The following RBM14 variants were observed in gnomAD, a reference collection of about 807,000 sequenced individuals.
The protein encoded by RBM14 is RNA binding motif protein 14, also known as RNA-binding protein 14.
RBM14 carries 5 observed loss-of-function variants against 52.8 expected under a neutral mutation model. The observed-to-expected ratio is 0.09, with a 90% confidence interval of 0.05 to 0.20. The LOEUF (loss-of-function observed/expected upper bound fraction) is 0.20. Among genes scored for constraint, RBM14 ranks in the 10% least tolerant of loss-of-function variants. RBM14 has a pLI of 1.00. For missense variants in RBM14, 780 were observed against 926.6 expected, an observed-to-expected ratio of 0.84 and a Z score of 2.05; for synonymous variants, 411 against 401.8, an observed-to-expected ratio of 1.02 and a Z score of -0.28.
rs1326839278 is a variant in RBM14 at position 66,627,975 on chromosome 11, G to A, written c.*1307G>A. On this transcript the variant is annotated 3_prime_UTR_variant, in exon 3 of 3. Coordinates refer to ENST00000310137, the MANE Select transcript of RBM14 (RefSeq NM_006328.4). ...ATCCTCCTGTGTCCTGCCAACCCCT[G>A]CCATTATAGTCACCGGAGACTCCTT... Among the ~76,000 whole-genome samples the A allele has an allele frequency of 2.0e-5, 3 of 152,092 alleles. No individual in the cohort carries two copies. Among genetic ancestry groups the A allele is most frequent in the Admixed American group, 2.0e-4 (3 of 15,256 alleles).
chr11:66,620,937 A>C (rs1175536850), intron 1 of RBM14: 1 of 151,444 alleles, frequency 6.6e-6, no homozygotes, highest in Non-Finnish European at 1.5e-5. Flanking sequence ...TGCCATCTCC[A>C]GGTGGTTTTG....
rs1201457413 is a variant in RBM14, at chr11:66,626,860, A to C, written c.*192A>C. 5.1e-6 allele frequency: 3 copies of C among 582,760 alleles called. No homozygotes were observed. The African/African-American group carries it at 5.6e-5, about 11-fold the overall frequency. The allele number at this position is 582,760 out of a possible 1,614,324, so 36.1% of individuals were successfully genotyped here. A position where few individuals can be genotyped will look rare whatever the true frequency, so the allele number is the denominator to read the frequency against. On this transcript the variant is annotated 3_prime_UTR_variant, in exon 3 of 3. Transcript: ENST00000310137. The stretch of plus-strand genomic sequence containing the variant: ...GTAACCTACTTTGTTCCTTCGCCTC[A>C]GCAGCAAATCTTGCTACTGGCTCTA...
intron 2 of RBM14, 133 bp from the exon 3 acceptor site, chr11:66,626,328 G>A: frequency 1.1e-6 from 1 of 912,068 alleles, no homozygotes; most frequent in Non-Finnish European, 1.7e-6. Flanking sequence ...TGAGCCTTCT[G>A]ACAAAAGGAG....
chr11:66,617,555 C>T, intron 1 of RBM14: 1 of 989,290 alleles, frequency 1.0e-6, no homozygotes, highest in South Asian at 4.6e-5. Flanking sequence ...CGGAAGGTAA[C>T]GGGGCCCTTG....
chr11:66,626,364 T>C, intron 2 of RBM14, 97 bp from the exon 3 acceptor site: 1 of 1,232,938 alleles, frequency 8.1e-7, no homozygotes, highest in Non-Finnish European at 1.2e-6. Context: ...ACCACTGTGA[T>C]CACACCCTCC....
chr11:66,624,411 G>T lies in RBM14; in HGVS notation c.535G>T (p.Gly179Cys), dbSNP rs1441018506. 6 of 1,614,118 alleles carry T rather than the reference G, an allele frequency of 3.7e-6. No individual in the cohort carries two copies. Among genetic ancestry groups the T allele is most frequent in the Non-Finnish European group, 5.1e-6 (6 of 1,179,972 alleles). Residue 179 changes from glycine to cysteine, a missense_variant, in exon 2 of 3, where the codon GGT becomes TGT. Physicochemically the swap from Gly to Cys is radical, Grantham distance 159. Around this residue, in one of 4 missense-constraint regions of RBM14, gnomAD observed 675 missense variants for 697.3 expected, o/e 0.97. Coordinates refer to ENST00000310137, the MANE Select transcript of RBM14 (RefSeq NM_006328.4). The surrounding 1 kb of genome is among the most constrained non-coding windows in gnomAD (Gnocchi z 4.7). ...GAGDTAFPGT[G>C]GFSATFDYQQ... ...TGGGGATACGGCCTTCCCTGGAACT[G>T]GTGGCTTCTCTGCCACCTTCGACTA...
intron 1 of RBM14, chr11:66,623,778 G>T: frequency 3.0e-6 from 2 of 672,278 alleles, no homozygotes; most frequent in Middle Eastern, 2.4e-4. Context: ...CAGTGTTTGA[G>T]AGTTAGGCCT....
rs772451036 is a variant in RBM14, at chr11:66,624,159, C to T, written c.338-55C>T. 1 of 1,541,686 alleles carries T rather than the reference C, an allele frequency of 6.5e-7. No homozygotes were observed. The highest frequency in any genetic ancestry group is 1.4e-5 in the African/African-American group (1 of 72,690). On this transcript the variant is annotated intron_variant, in intron 1 of 2. Coordinates refer to ENST00000310137, the MANE Select transcript of RBM14 (RefSeq NM_006328.4). The surrounding 1 kb of genome is among the most constrained non-coding windows in gnomAD (Gnocchi z 4.7). ...GTTGTGTGTCCAATTTGGGACCCAT[C>T]AGGTAGCATGCCCTGCCCCCCTAAT... is the stretch of plus-strand genomic sequence containing the variant.
chr11:66,625,496 C>T lies in RBM14; in HGVS notation c.1620C>T (p.Tyr540=). 6.2e-7 allele frequency: 1 copy of T among 1,612,948 alleles called. No individual in the cohort carries two copies. Among genetic ancestry groups the T allele is most frequent in the Non-Finnish European group, 8.5e-7 (1 of 1,179,536 alleles). ...AQQHPQAAAS[Y]RGQPGNAYDG... is the part of the protein sequence containing the mutation. The stretch of plus-strand genomic sequence containing the variant: ...AGCATCCCCAGGCTGCTGCCTCCTA[C>T]CGCGGCCAGCCAGGCAATGCCTACG... Residue 540 remains tyrosine (Y), a synonymous_variant, in exon 2 of 3, where the codon TAC becomes TAT. Coordinates refer to ENST00000310137, the MANE Select transcript of RBM14 (RefSeq NM_006328.4). The surrounding 1 kb of genome is among the most constrained non-coding windows in gnomAD (Gnocchi z 4.2).
rs941390709 is a variant in RBM14 at position 66,627,610 on chromosome 11, T to G, written c.*942T>G. On this transcript the variant is annotated 3_prime_UTR_variant, in exon 3 of 3. Coordinates refer to ENST00000310137, the MANE Select transcript of RBM14 (RefSeq NM_006328.4). ...GTTAGTCACACCAAAATGCAGTAAATGATGCCCATTTTCCTCTGCCTGTGC... is the reference window on the plus strand; with the variant it reads ...GTTAGTCACACCAAAATGCAGTAAAGGATGCCCATTTTCCTCTGCCTGTGC... 2.0e-5 allele frequency among the ~76,000 whole-genome samples: 3 copies of G among 152,210 alleles called. No homozygotes were observed. Among genetic ancestry groups the G allele is most frequent in the African/African-American group, 7.2e-5 (3 of 41,460 alleles).
chr11:66,625,076 T>C lies in RBM14; in HGVS notation c.1200T>C (p.Ala400=). 2.5e-6 allele frequency: 4 copies of C among 1,613,152 alleles called. No homozygotes were observed. The highest frequency in any genetic ancestry group is 3.4e-6 in the Non-Finnish European group (4 of 1,179,782). The change falls in exon 2 of 3, where the codon GCT becomes GCC. Residue 400 remains alanine (A), a synonymous_variant. Coordinates refer to ENST00000310137, the MANE Select transcript of RBM14 (RefSeq NM_006328.4). This position sits in a 1 kb window ranked among gnomAD's most constrained non-coding sequence, Gnocchi z 4.2. ...CACTAGCTTATGGAGCCCAGGCAGC[T>C]TCATATAATGCCCAGCCCTCGGCCT... ...ASSLAYGAQA[A]SYNAQPSASY... is the part of the protein sequence containing the mutation.
chr11:66,626,377 G>GT (rs1766434110), intron 2 of RBM14, 84 bp from the exon 3 acceptor site: 1 of 1,317,664 alleles, frequency 7.6e-7, no homozygotes, highest in South Asian at 1.2e-5. Flanking sequence ...CACCCTCCCT[G>GT]TCCCCATTGG....
chr11:66,627,991 G>T lies in RBM14; in HGVS notation c.*1323G>T, dbSNP rs918669083. Among the ~76,000 whole-genome samples the T allele has an allele frequency of 2.0e-5, 3 of 152,128 alleles. No individual in the cohort carries two copies. Among genetic ancestry groups the T allele is most frequent in the Non-Finnish European group, 4.4e-5 (3 of 68,032 alleles). ...CCAACCCCTGCCATTATAGTCACCG[G>T]AGACTCCTTTACCTATCCCTATCTG... is the stretch of plus-strand genomic sequence containing the variant. On this transcript the variant is annotated 3_prime_UTR_variant, in exon 3 of 3. Coordinates refer to ENST00000310137, the MANE Select transcript of RBM14 (RefSeq NM_006328.4).
At chr11:66,622,475 C>T (rs1001589736) in intron 1 of RBM14, among the ~76,000 whole-genome samples, 1 of 152,208 alleles carries the variant, frequency 6.6e-6, no homozygotes, top group African/African-American at 2.4e-5. Context: ...CTCAGGTGAT[C>T]TGCCTGCCTT....
At position 66,628,635 on chromosome 11, in the gene RBM14, A is replaced by G. The variant is rs898978659; in HGVS notation, c.*1967A>G. Among the ~76,000 whole-genome samples, 2 of 152,122 alleles carry G rather than the reference A, an allele frequency of 1.3e-5. No homozygotes were observed. Among genetic ancestry groups the G allele is most frequent in the African/African-American group, 2.4e-5 (1 of 41,420 alleles). On this transcript the variant is annotated 3_prime_UTR_variant, in exon 3 of 3. Transcript: ENST00000310137. ...TTTTATTTCTTTGCAGGACTGGGAA[A>G]GCATGGGAGGAGGATTTTGATAAGT...
rs1471467965 is a variant in RBM14, at chr11:66,624,967, C to A, written c.1091C>A (p.Ser364Tyr). 6.2e-7 allele frequency: 1 copy of A among 1,614,024 alleles called. No individual in the cohort carries two copies. The highest frequency in any genetic ancestry group is 1.3e-5 in the African/African-American group (1 of 74,972). The change falls in exon 2 of 3, where the codon TCC becomes TAC. Residue 364 changes from serine to tyrosine, a missense_variant. Coordinates refer to ENST00000310137, the MANE Select transcript of RBM14 (RefSeq NM_006328.4). The surrounding 1 kb of genome is among the most constrained non-coding windows in gnomAD (Gnocchi z 4.7). The part of the protein sequence containing the change: ...SSYGVRAAAS[S>Y]YNTQGAASSL... ...TATGGGGTTCGTGCAGCTGCTTCTTCCTACAACACCCAGGGAGCAGCTTCC... is the reference window on the plus strand; with the variant it reads ...TATGGGGTTCGTGCAGCTGCTTCTTACTACAACACCCAGGGAGCAGCTTCC...
At position 66,620,086 on chromosome 11, in the gene RBM14, T is replaced by G. The variant is rs549194599; in HGVS notation, c.337+3029T>G. Among the ~76,000 whole-genome samples, 15 of 152,314 alleles carry G rather than the reference T, an allele frequency of 9.8e-5. 1 individual carries two copies. In the South Asian group the frequency reaches 3.1e-3, roughly 32 times the overall value. Reference sequence around the variant, plus strand: ...TTTCAGATCTCTGGTTTTAATGGTCTTAGGAGTACTTGGGTGTTAGGGCAT... The same window carrying G: ...TTTCAGATCTCTGGTTTTAATGGTCGTAGGAGTACTTGGGTGTTAGGGCAT... On this transcript the variant is annotated intron_variant, in intron 1 of 2. Transcript: ENST00000310137.
At position 66,623,841 on chromosome 11, in the gene RBM14, G is replaced by A; in HGVS notation, c.338-373G>A. The A allele has an allele frequency of 1.3e-5, 9 of 716,292 alleles. 1 individual carries two copies. In the South Asian group the frequency reaches 1.3e-4, roughly 11 times the overall value. The allele number at this position is 716,292 out of a possible 1,614,324, so 44.4% of individuals were successfully genotyped here. A position where few individuals can be genotyped will look rare whatever the true frequency, so the allele number is the denominator to read the frequency against. On this transcript the variant is annotated intron_variant, in intron 1 of 2. Coordinates refer to ENST00000310137, the MANE Select transcript of RBM14 (RefSeq NM_006328.4). Reference sequence around the variant, plus strand: ...TTGGTGAGTTTGGGTTGAGAACACTGAAGAACTGAGTGATCTAGGAACGCT... The same window carrying A: ...TTGGTGAGTTTGGGTTGAGAACACTAAAGAACTGAGTGATCTAGGAACGCT...
chr11:66,620,921 TC>T (rs889164445), intron 1 of RBM14: 1 of 152,064 alleles, frequency 6.6e-6, no homozygotes, highest in Non-Finnish European at 1.5e-5. Flanking sequence ...TTTGGGCCTT[TC>T]TGCTTGCCAT....
Sources: gnomAD v4.1 joint callset for allele counts (sites outside exome capture counted in the v4.1 genomes callset) on GRCh38, gnomAD v4.1.1 for gene constraint, gnomAD v4.1.1 regional missense constraint, Gnocchi (gnomAD v3.1) non-coding constraint, MANE v1.5 for transcripts, NCBI Gene and HGNC (gene_info 2026-07-23, HGNC 2026-07-21) for gene names.